Variants in SLC18A3 observed in about 807,000 individuals in gnomAD.
SLC18A3 encodes vesicular acetylcholine transporter.
A neutral mutation model predicts 24.2 loss-of-function variants in SLC18A3; 18 were observed. That is an observed-to-expected ratio of 0.74 (90% CI 0.51 to 1.10). The LOEUF (loss-of-function observed/expected upper bound fraction) is 1.10. Among genes scored for constraint, SLC18A3 ranks in the 50% least tolerant of loss-of-function variants. The probability of loss-of-function intolerance (pLI) is 0.00; values close to 1 mark genes in which losing one functional copy is unlikely to be tolerated. For synonymous variants in SLC18A3, 415 were observed against 355.4 expected, an observed-to-expected ratio of 1.17 and a Z score of -1.89; for missense variants, 744 against 750.7, an observed-to-expected ratio of 0.99 and a Z score of 0.10.
Position 49,610,562 on chromosome 10 carries a change from G to A in SLC18A3, c.-179G>A. Reference sequence around the variant, plus strand: ...TAAGAGTAGCTGCAACGCCTCGCCGGACGGAGTCCTTTCCTTTCCCGGGAC... The same window carrying A: ...TAAGAGTAGCTGCAACGCCTCGCCGAACGGAGTCCTTTCCTTTCCCGGGAC... On this transcript the variant is annotated 5_prime_UTR_variant, in exon 1 of 1. Transcript: ENST00000374115. The A allele has an allele frequency of 5.3e-6, 3 of 562,890 alleles. No homozygotes were observed. The highest frequency in any genetic ancestry group is 8.7e-6 in the Non-Finnish European group (3 of 345,074). The allele number at this position is 562,890 out of a possible 1,614,324, so 34.9% of individuals were successfully genotyped here. A position where few individuals can be genotyped will look rare whatever the true frequency, so the allele number is the denominator to read the frequency against.
At position 49,612,175 on chromosome 10, in the gene SLC18A3, C is replaced by G. The variant is rs1290953438; in HGVS notation, c.1435C>G (p.Arg479Gly). ...LRNVGLLTRSRSERDVLLDEP... is the reference protein window; with the variant it reads ...LRNVGLLTRSGSERDVLLDEP... Reference sequence around the variant, plus strand: ...CAACGTGGGCCTCCTGACGCGCTCCCGTTCCGAGCGCGATGTGCTGCTTGA... The same window carrying G: ...CAACGTGGGCCTCCTGACGCGCTCCGGTTCCGAGCGCGATGTGCTGCTTGA... The change falls in exon 1 of 1, where the codon CGT (arginine) becomes GGT (glycine). Residue 479 changes from arginine to glycine, a missense_variant. Arg to Gly is a moderately radical substitution (Grantham distance 125). Transcript: ENST00000374115. 5.6e-6 allele frequency: 9 copies of G among 1,610,274 alleles called. No individual in the cohort carries two copies. The highest frequency in any genetic ancestry group is 1.7e-5 in the Admixed American group (1 of 60,022).
At position 49,612,331 on chromosome 10, in the gene SLC18A3, C is replaced by G. The variant is rs148062083; in HGVS notation, c.1591C>G (p.Arg531Gly). 1 of 1,585,556 alleles carries G rather than the reference C, an allele frequency of 6.3e-7. No individual in the cohort carries two copies. Among genetic ancestry groups the G allele is most frequent in the Non-Finnish European group, 8.6e-7 (1 of 1,161,762 alleles). ...CEDDYNYYYT[R>G]S ...GGACGACTACAACTACTACTACACC[C>G]GCAGCTAGCATCCCCACTCCTCCTC... The change falls in exon 1 of 1, where the codon CGC becomes GGC. Residue 531 changes from arginine to glycine, a missense_variant. Transcript: ENST00000374115.
In SLC18A3 at chr10:49,610,980, C is replaced by G; in HGVS notation, c.240C>G (p.Pro80=). Residue 80 remains proline, a synonymous_variant, in exon 1 of 1, where the codon CCC becomes CCG. Transcript: ENST00000374115. ...CCCGGACTCCCGAGGTGTGGGAGCC[C>G]ACCCTGCCGCTGCCCACTCCGGCCA... ...GPTRTPEVWE[P]TLPLPTPANA... 5 of 1,611,744 alleles carry G rather than the reference C, an allele frequency of 3.1e-6. No individual in the cohort carries two copies. The highest frequency in any genetic ancestry group is 1.7e-6 in the Non-Finnish European group (2 of 1,178,632).
Position 49,611,565 on chromosome 10 carries a change from C to T in SLC18A3, c.825C>T (p.Asn275=), listed in dbSNP as rs145315435. The T allele has an allele frequency of 3.5e-4, 562 of 1,606,594 alleles. 1 individual carries two copies. Among genetic ancestry groups the T allele is most frequent in the Non-Finnish European group, 4.5e-4 (532 of 1,179,958 alleles). Residue 275 remains asparagine (N), a synonymous_variant, in exon 1 of 1, where the codon AAC becomes AAT. Transcript: ENST00000374115. ...PFSAAARARA[N]LPVGTPIHRL... is the part of the protein sequence containing the mutation. The stretch of plus-strand genomic sequence containing the variant: ...CGGCGGCTGCACGGGCTCGGGCCAA[C>T]CTGCCAGTGGGCACTCCCATCCACC...
rs765452393 is a variant in SLC18A3 at position 49,611,745 on chromosome 10, C to A, written c.1005C>A (p.Phe335Leu). Residue 335 changes from phenylalanine to leucine, a missense_variant, in exon 1 of 1, where the codon TTC (phenylalanine) becomes TTA (leucine). By Grantham distance (22) the Phe-to-Leu change is conservative (BLOSUM62 0). This residue lies in a region of SLC18A3 where 566 missense variants were observed against 566.2 expected (regional missense o/e 1.00). Transcript: ENST00000374115. ...TGGGCATGGCCTGGCTGCCGGCCTTCGTGCCTCATGTGCTGGGCGTCTACC... is the reference window on the plus strand; with the variant it reads ...TGGGCATGGCCTGGCTGCCGGCCTTAGTGCCTCATGTGCTGGGCGTCTACC... ...WEMGMAWLPA[F>L]VPHVLGVYLT... 9.3e-6 allele frequency: 15 copies of A among 1,604,586 alleles called. No homozygotes were observed. Among genetic ancestry groups the A allele is most frequent in the Non-Finnish European group, 1.3e-5 (15 of 1,179,932 alleles).
rs1243062744 is a variant in SLC18A3 at position 49,610,553 on chromosome 10, G to A, written c.-188G>A. 3.7e-6 allele frequency: 2 copies of A among 541,750 alleles called. No homozygotes were observed. Among genetic ancestry groups the A allele is most frequent in the South Asian group, 7.3e-5 (2 of 27,222 alleles). The allele number at this position is 541,750 out of a possible 1,614,324, so 33.6% of individuals were successfully genotyped here. On this transcript the variant is annotated 5_prime_UTR_variant, in exon 1 of 1. Coordinates refer to ENST00000374115, the MANE Select transcript of SLC18A3 (RefSeq NM_003055.3). ...GGGATCGGCTAAGAGTAGCTGCAAC[G>A]CCTCGCCGGACGGAGTCCTTTCCTT...
In SLC18A3 at chr10:49,611,397, C is replaced by T; in HGVS notation, c.657C>T (p.Ala219=). The part of the protein sequence containing the change: ...ERSRALGVAL[A]FISFGSLVAP... ...GTCGTGCACTGGGCGTGGCGCTGGC[C>T]TTCATTAGCTTCGGAAGCCTAGTGG... The change falls in exon 1 of 1, where the codon GCC becomes GCT. Residue 219 remains alanine (A), a synonymous_variant. Transcript: ENST00000374115. 1.3e-6 allele frequency: 2 copies of T among 1,598,514 alleles called. No homozygotes were observed. The highest frequency in any genetic ancestry group is 1.7e-6 in the Non-Finnish European group (2 of 1,179,380).
rs1238021488 is a variant in SLC18A3, at chr10:49,611,848, A to G, written c.1108A>G (p.Ser370Gly). The part of the protein sequence containing the change: ...GALGLAVIGA[S>G]SCIVPACRSF... ...GCTTGGGCTGGCTGTGATCGGCGCC[A>G]GCTCGTGCATCGTGCCCGCCTGCCG... Residue 370 changes from serine to glycine, a missense_variant, in exon 1 of 1, where the codon AGC becomes GGC. Transcript: ENST00000374115. The G allele has an allele frequency of 3.1e-6, 5 of 1,605,128 alleles. No homozygotes were observed. The highest frequency in any genetic ancestry group is 4.2e-6 in the Non-Finnish European group (5 of 1,179,784).
At position 49,612,702 on chromosome 10, in the gene SLC18A3, A is replaced by C; in HGVS notation, c.*363A>C. 5 of 243,008 alleles carry C rather than the reference A, an allele frequency of 2.1e-5. No homozygotes were observed. Among genetic ancestry groups the C allele is most frequent in the East Asian group, 1.8e-4 (2 of 10,898 alleles). The allele number at this position is 243,008 out of a possible 1,614,324, so 15.1% of individuals were successfully genotyped here. A position where few individuals can be genotyped will look rare whatever the true frequency, so the allele number is the denominator to read the frequency against. Reference sequence around the variant, plus strand: ...CGCGGCGCCTCCGCCCAAATCAATAAACTGTGTCTGTCCCAGGAGGCCGAG... The same window carrying C: ...CGCGGCGCCTCCGCCCAAATCAATACACTGTGTCTGTCCCAGGAGGCCGAG... On this transcript the variant is annotated 3_prime_UTR_variant, in exon 1 of 1. Coordinates refer to ENST00000374115, the MANE Select transcript of SLC18A3 (RefSeq NM_003055.3).
Position 49,612,699 on chromosome 10 carries a change from A to C in SLC18A3, c.*360A>C. On this transcript the variant is annotated 3_prime_UTR_variant, in exon 1 of 1. Transcript: ENST00000374115. Reference sequence around the variant, plus strand: ...CACCGCGGCGCCTCCGCCCAAATCAATAAACTGTGTCTGTCCCAGGAGGCC... The same window carrying C: ...CACCGCGGCGCCTCCGCCCAAATCACTAAACTGTGTCTGTCCCAGGAGGCC... 1.2e-5 allele frequency: 3 copies of C among 256,606 alleles called. No individual in the cohort carries two copies. Among genetic ancestry groups the C allele is most frequent in the Middle Eastern group, 1.2e-3 (1 of 812 alleles). 15.9% of individuals were successfully genotyped at this position (256,606 alleles called of 1,614,324 possible). A position where few individuals can be genotyped will look rare whatever the true frequency, so the allele number is the denominator to read the frequency against.
At position 49,612,301 on chromosome 10, in the gene SLC18A3, T is replaced by C; in HGVS notation, c.1561T>C (p.Cys521Arg). The change falls in exon 1 of 1, where the codon TGC becomes CGC. Residue 521 changes from cysteine to arginine, a missense_variant. Physicochemically the swap from Cys to Arg is radical, Grantham distance 180. Transcript: ENST00000374115. ...PRSPPGPFDA[C>R]EDDYNYYYTR... ...CAGCCCGCCTGGCCCTTTTGATGCG[T>C]GCGAGGACGACTACAACTACTACTA... 2 of 1,608,918 alleles carry C rather than the reference T, an allele frequency of 1.2e-6. No individual in the cohort carries two copies. Among genetic ancestry groups the C allele is most frequent in the Non-Finnish European group, 1.7e-6 (2 of 1,178,032 alleles).
Position 49,610,699 on chromosome 10 carries a change from G to A in SLC18A3, c.-42G>A, listed in dbSNP as rs1413529489. The stretch of plus-strand genomic sequence containing the variant: ...CTGCACTGCGGGACGCCAGCGCTCG[G>A]CCCTGGCGGAGGCGTCCTCGGAAGA... On this transcript the variant is annotated 5_prime_UTR_variant, in exon 1 of 1. Transcript: ENST00000374115. 1.4e-6 allele frequency: 2 copies of A among 1,456,480 alleles called. No individual in the cohort carries two copies. The highest frequency in any genetic ancestry group is 1.8e-6 in the Non-Finnish European group (2 of 1,110,380). The allele number at this position is 1,456,480 out of a possible 1,614,324, so 90.2% of individuals were successfully genotyped here.
chr10:49,610,596 A>G lies in SLC18A3; in HGVS notation c.-145A>G. ...CTTTCCTTTCCCGGGACGCTGGGCC[A>G]TGAGCTCCGCGGCCACCTGAGGCAC... On this transcript the variant is annotated 5_prime_UTR_variant, in exon 1 of 1. An upstream start codon of the reference 5' UTR is lost. Coordinates refer to ENST00000374115, the MANE Select transcript of SLC18A3 (RefSeq NM_003055.3). 1 of 729,552 alleles carries G rather than the reference A, an allele frequency of 1.4e-6. No individual in the cohort carries two copies. Among genetic ancestry groups the G allele is most frequent in the Non-Finnish European group, 2.1e-6 (1 of 487,096 alleles). The allele number at this position is 729,552 out of a possible 1,614,324, so 45.2% of individuals were successfully genotyped here. A position where few individuals can be genotyped will look rare whatever the true frequency, so the allele number is the denominator to read the frequency against.
Position 49,611,019 on chromosome 10 carries a change from C to A in SLC18A3, c.279C>A (p.Tyr93Ter). 2 of 1,613,864 alleles carry A rather than the reference C, an allele frequency of 1.2e-6. No homozygotes were observed. The highest frequency in any genetic ancestry group is 2.7e-5 in the African/African-American group (2 of 75,072). The change falls in exon 1 of 1, where the codon TAC (tyrosine) becomes TAA (stop). Residue 93 changes from tyrosine (Y) to a stop codon, truncating the protein, a stop_gained. Coordinates refer to ENST00000374115, the MANE Select transcript of SLC18A3 (RefSeq NM_003055.3). LOFTEE classifies it high-confidence loss of function. ...PLPTPANASA[Y>*]TANTSASPTA... ...CCACTCCGGCCAATGCCAGCGCCTA[C>A]ACGGCCAACACCTCGGCGTCCCCGA...
rs1243378683 is a variant in SLC18A3 at position 49,611,940 on chromosome 10, A to C, written c.1200A>C (p.Ala400=). The part of the protein sequence containing the change: ...LCFGIALVDT[A]LLPTLAFLVD... ...TTGGCATAGCCCTAGTCGACACAGC[A>C]CTGCTGCCCACGCTCGCCTTCCTGG... Residue 400 remains alanine (A), a synonymous_variant, in exon 1 of 1, where the codon GCA becomes GCC. Transcript: ENST00000374115. 1 of 1,612,508 alleles carries C rather than the reference A, an allele frequency of 6.2e-7. No homozygotes were observed. The highest frequency in any genetic ancestry group is 2.2e-5 in the East Asian group (1 of 44,808).
rs1024561614 is a variant in SLC18A3 at position 49,610,442 on chromosome 10, C to G, written c.-299C>G. Reference sequence around the variant, plus strand: ...GGCGGGGGCTGCTCTGGGCGCGCCCCGGGCGAAGTGCGCCCAGTCTCCGGC... The same window carrying G: ...GGCGGGGGCTGCTCTGGGCGCGCCCGGGGCGAAGTGCGCCCAGTCTCCGGC... On this transcript the variant is annotated 5_prime_UTR_variant, in exon 1 of 1. Transcript: ENST00000374115. 5 of 346,788 alleles carry G rather than the reference C, an allele frequency of 1.4e-5. No homozygotes were observed. Among genetic ancestry groups the G allele is most frequent in the Admixed American group, 4.8e-5 (1 of 20,872 alleles). The allele number at this position is 346,788 out of a possible 1,614,324, so 21.5% of individuals were successfully genotyped here. A position where few individuals can be genotyped will look rare whatever the true frequency, so the allele number is the denominator to read the frequency against.
chr10:49,611,629 G>A lies in SLC18A3; in HGVS notation c.889G>A (p.Ala297Thr), dbSNP rs149097990. The A allele has an allele frequency of 6.2e-7, 1 of 1,611,710 alleles. No homozygotes were observed. The highest frequency in any genetic ancestry group is 8.5e-7 in the Non-Finnish European group (1 of 1,180,006). The change falls in exon 1 of 1, where the codon GCG becomes ACG. Residue 297 changes from alanine (A) to threonine (T), a missense_variant. By Grantham distance (58) the Ala-to-Thr change is moderately conservative. Coordinates refer to ENST00000374115, the MANE Select transcript of SLC18A3 (RefSeq NM_003055.3). Reference sequence around the variant, plus strand: ...CCCCTACATTGCCGTGGTGGCCGGCGCGCTCACCACCTGTAACATTCCCCT... The same window carrying A: ...CCCCTACATTGCCGTGGTGGCCGGCACGCTCACCACCTGTAACATTCCCCT... ...LDPYIAVVAG[A>T]LTTCNIPLAF...
chr10:49,610,883 T>C lies in SLC18A3; in HGVS notation c.143T>C (p.Met48Thr). The change falls in exon 1 of 1, where the codon ATG becomes ACG. Residue 48 changes from methionine to threonine, a missense_variant. Physicochemically the swap from Met to Thr is moderately conservative, Grantham distance 81. Coordinates refer to ENST00000374115, the MANE Select transcript of SLC18A3 (RefSeq NM_003055.3). ...IVCVALLLDN[M>T]LYMVIVPIVP... ...TGCGTGGCGCTGTTACTGGACAACATGCTGTACATGGTCATCGTGCCCATA... is the reference window on the plus strand; with the variant it reads ...TGCGTGGCGCTGTTACTGGACAACACGCTGTACATGGTCATCGTGCCCATA... The C allele has an allele frequency of 1.9e-6, 3 of 1,613,378 alleles. No homozygotes were observed. Among genetic ancestry groups the C allele is most frequent in the Non-Finnish European group, 1.7e-6 (2 of 1,179,616 alleles).
In SLC18A3 at chr10:49,611,829, G is replaced by C. The variant is rs1366078786; in HGVS notation, c.1089G>C (p.Gly363=). The C allele has an allele frequency of 3.7e-6, 6 of 1,604,172 alleles. No homozygotes were observed. In the South Asian group the frequency reaches 4.4e-5, roughly 12 times the overall value. ...PHLQWLYGAL[G]LAVIGASSCI... ...TGCAGTGGCTGTACGGCGCGCTTGG[G>C]CTGGCTGTGATCGGCGCCAGCTCGT... Residue 363 remains glycine (G), a synonymous_variant, in exon 1 of 1, where the codon GGG becomes GGC. Coordinates refer to ENST00000374115, the MANE Select transcript of SLC18A3 (RefSeq NM_003055.3).
Sources: gnomAD v4.1 joint callset for allele counts on GRCh38, gnomAD v4.1.1 for gene constraint, gnomAD v4.1.1 regional missense constraint, MANE v1.5 for transcripts, NCBI Gene and HGNC (gene_info 2026-07-23, HGNC 2026-07-21) for gene names.